The following MGMT variants were observed in gnomAD, a reference collection of about 807,000 sequenced individuals.
MGMT encodes methylated-DNA--protein-cysteine methyltransferase.
Under a neutral mutation model 15.9 loss-of-function variants are expected in MGMT, and 14 were observed. The observed-to-expected ratio is 0.88, with a 90% CI of 0.58 to 1.37. The LOEUF (loss-of-function observed/expected upper bound fraction) is 1.37, where lower values mean the gene tolerates loss of function less well. MGMT is among the 40% of genes most tolerant of loss of function. MGMT has a pLI of 0.00. For missense variants in MGMT, 282 were observed against 268.1 expected (o/e 1.05, Z -0.36); for synonymous variants, 130 against 118.2 (o/e 1.10, Z -0.65).
chr10:129,570,338 C>T (rs1420572580), intron 2 of MGMT, among the ~76,000 whole-genome samples: 3 of 152,268 alleles, frequency 2.0e-5, no homozygotes, highest in African/African-American at 7.2e-5. Context: ...CCACCCGGTG[C>T]TTACAGGTCA....
intron 2 of MGMT, among the ~76,000 whole-genome samples, chr10:129,671,254 G>C (rs1253916315): frequency 6.6e-6 from 1 of 152,140 alleles, no homozygotes; most frequent in Admixed American, 6.5e-5. Context: ...TACCTTGGAG[G>C]CCATTTTTAT....
intron 1 of MGMT, among the ~76,000 whole-genome samples, chr10:129,485,581 A>G (rs903633480): frequency 6.6e-6 from 1 of 152,260 alleles, no homozygotes; most frequent in Admixed American, 6.5e-5. Flanking sequence ...TGCTCAAAGG[A>G]AATGCTTATT....
chr10:129,643,357 T>C (rs964230306), intron 2 of MGMT, among the ~76,000 whole-genome samples: 1 of 152,246 alleles, frequency 6.6e-6, no homozygotes, highest in African/African-American at 2.4e-5. Context: ...AAAAGAAATG[T>C]AACTTTGAGT....
In MGMT at chr10:129,759,208, T is replaced by A. The variant is rs1484093476; in HGVS notation, c.281T>A (p.Phe94Tyr). The A allele has an allele frequency of 6.2e-7, 1 of 1,614,170 alleles. No homozygotes were observed. The highest frequency in any genetic ancestry group is 8.5e-7 in the Non-Finnish European group (1 of 1,179,980). ...CCTGCATTCTTCCTTTCAGAGTCGTTCACCAGACAGGTGTTATGGAAGCTG... is the reference window on the plus strand; with the variant it reads ...CCTGCATTCTTCCTTTCAGAGTCGTACACCAGACAGGTGTTATGGAAGCTG... ...LHHPVFQQES[F>Y]TRQVLWKLLK... The change falls in exon 4 of 5, where the codon TTC (phenylalanine) becomes TAC (tyrosine). Residue 94 changes from phenylalanine to tyrosine, a missense_variant. Coordinates refer to ENST00000651593, the MANE Select transcript of MGMT (RefSeq NM_002412.5).
intron 1 of MGMT, 184 bp downstream of exon 1, chr10:129,467,480 C>T: frequency 1.0e-6 from 1 of 957,950 alleles, no homozygotes; most frequent in Non-Finnish European, 1.2e-6. Context: ...CCCAGCCTTT[C>T]CCCGGGCCTG....
intron 1 of MGMT, among the ~76,000 whole-genome samples, chr10:129,526,272 A>C (rs905534980): frequency 6.6e-6 from 1 of 152,230 alleles, no homozygotes; most frequent in East Asian, 1.9e-4. Flanking sequence ...AGGTGGGCTG[A>C]GCATGAGTCC....
At chr10:129,635,295 CTG>C (rs1426596136) in intron 2 of MGMT, among the ~76,000 whole-genome samples, 1 of 152,186 alleles carries the variant, frequency 6.6e-6, no homozygotes, top group East Asian at 1.9e-4. Context: ...AGATGTGTCT[CTG>C]TCCCTCCAGT....
At chr10:129,690,442 C>T (rs540463452) in intron 2 of MGMT, among the ~76,000 whole-genome samples, 1 of 152,294 alleles carries the variant, frequency 6.6e-6, no homozygotes, top group African/African-American at 2.4e-5. Flanking sequence ...GTACAAAAGG[C>T]ACTGCGGCGT....
intron 1 of MGMT, among the ~76,000 whole-genome samples, chr10:129,474,881 A>G (rs965473864): frequency 6.6e-6 from 1 of 152,080 alleles, no homozygotes. Context: ...CTGGGCTCGC[A>G]GTGGCCTTGT....
At chr10:129,497,228 G>A (rs1435867891) in intron 1 of MGMT, among the ~76,000 whole-genome samples, 6 of 152,178 alleles carry the variant, frequency 3.9e-5, no homozygotes, top group Admixed American at 2.6e-4. Flanking sequence ...ATGTTTCAGA[G>A]GCAGGCAAGC....
chr10:129,549,918 T>A (rs1199199517), intron 2 of MGMT, among the ~76,000 whole-genome samples: 1 of 152,212 alleles, frequency 6.6e-6, no homozygotes, highest in Non-Finnish European at 1.5e-5. Context: ...AGCAGAGGTA[T>A]AAATTACAGA....
At chr10:129,560,806 T>A (rs1415032985) in intron 2 of MGMT, among the ~76,000 whole-genome samples, 1 of 152,010 alleles carries the variant, frequency 6.6e-6, no homozygotes, top group Admixed American at 6.6e-5. Context: ...CGGGTGAAAT[T>A]CTGTTTCTGG....
rs867190245 is a variant in MGMT, at chr10:129,654,524, T to G, written c.126-53371T>G. Among the ~76,000 whole-genome samples, 14 of 152,286 alleles carry G rather than the reference T, an allele frequency of 9.2e-5. 1 individual carries two copies. The highest frequency in any genetic ancestry group is 7.8e-4 in the East Asian group (4 of 5,146). Reference sequence around the variant, plus strand: ...TGAGCCTGCATCCTTTGACCGTCACTGTGAACCTCAGATCGAGACACCAGC... The same window carrying G: ...TGAGCCTGCATCCTTTGACCGTCACGGTGAACCTCAGATCGAGACACCAGC... On this transcript the variant is annotated intron_variant, in intron 2 of 4. Transcript: ENST00000651593.
intron 2 of MGMT, among the ~76,000 whole-genome samples, chr10:129,628,519 G>A (rs541521538): frequency 2.0e-4 from 31 of 152,216 alleles, no homozygotes; most frequent in South Asian, 4.1e-4. Context: ...TTGACCCCGT[G>A]GTGCTTTCTG....
At chr10:129,600,261 T>A (rs1353535856) in intron 2 of MGMT, among the ~76,000 whole-genome samples, 1 of 152,150 alleles carries the variant, frequency 6.6e-6, no homozygotes, top group African/African-American at 2.4e-5. Flanking sequence ...CTTGAGTTAG[T>A]TCGTGGTTAG....
At chr10:129,632,680 G>C (rs903983163) in intron 2 of MGMT, among the ~76,000 whole-genome samples, 1 of 152,208 alleles carries the variant, frequency 6.6e-6, no homozygotes, top group African/African-American at 2.4e-5. Context: ...AACTCTGGAA[G>C]GCTTGTGCAC....
At chr10:129,475,164 G>C (rs1344916599) in intron 1 of MGMT, among the ~76,000 whole-genome samples, 1 of 152,126 alleles carries the variant, frequency 6.6e-6, no homozygotes, top group Non-Finnish European at 1.5e-5. Flanking sequence ...GATGGCTGCA[G>C]GTCGGTGTGT....
At chr10:129,666,479 T>G (rs1392902295) in intron 2 of MGMT, among the ~76,000 whole-genome samples, 1 of 152,204 alleles carries the variant, frequency 6.6e-6, no homozygotes, top group Non-Finnish European at 1.5e-5. Context: ...GTCATAGAAC[T>G]CATATTTTTT....
At chr10:129,641,247 T>C (rs1398576219) in intron 2 of MGMT, among the ~76,000 whole-genome samples, 2 of 152,194 alleles carry the variant, frequency 1.3e-5, no homozygotes, top group African/African-American at 2.4e-5. Context: ...CAGTAGTTCA[T>C]GTCCAATGAT....
Sources: allele counts gnomAD v4.1 joint callset (sites outside exome capture counted in the v4.1 genomes callset), GRCh38; gene constraint gnomAD v4.1.1; transcripts MANE v1.5; gene names NCBI Gene and HGNC (gene_info 2026-07-23, HGNC 2026-07-21).